The following BRPF3 variants were observed in gnomAD, a reference collection of about 807,000 sequenced individuals.
BRPF3 encodes the protein bromodomain and PHD finger containing 3, also known as bromodomain and PHD finger-containing protein 3.
In BRPF3, 18 loss-of-function variants were observed where a neutral mutation model predicts 102.0. That is an observed-to-expected ratio of 0.18 (90% CI 0.12 to 0.26). The LOEUF is 0.26. BRPF3 is among the 10% of genes least tolerant of loss of function. The pLI, the probability that BRPF3 is intolerant of heterozygous loss-of-function variation, is 1.00. For missense variants in BRPF3, 1,147 were observed against 1,567.8 expected (o/e 0.73, Z 4.53); for synonymous variants, 570 against 614.2 (o/e 0.93, Z 1.06).
chr6:36,229,617 C>G (rs1051146468), intron 12 of BRPF3, among the ~76,000 whole-genome samples: 2 of 152,132 alleles, frequency 1.3e-5, no homozygotes, highest in African/African-American at 4.8e-5. Context: ...GTGCAGTGTC[C>G]GCTACAGGAG....
chr6:36,224,785 G>T (rs1256054942), intron 10 of BRPF3, among the ~76,000 whole-genome samples: 1 of 152,118 alleles, frequency 6.6e-6, no homozygotes, highest in Non-Finnish European at 1.5e-5. Context: ...TTCAGAGGTC[G>T]GTAAACTATG....
At chr6:36,215,558 G>A (rs1768299403) in intron 8 of BRPF3, among the ~76,000 whole-genome samples, 1 of 152,214 alleles carries the variant, frequency 6.6e-6, no homozygotes, top group Non-Finnish European at 1.5e-5. Flanking sequence ...TCACAGTGGT[G>A]GACAGTATGT....
Position 36,210,631 on chromosome 6 carries a change from C to A in BRPF3, c.2179+103C>A. 9.2e-7 allele frequency: 1 copy of A among 1,085,388 alleles called. No individual in the cohort carries two copies. Among genetic ancestry groups the A allele is most frequent in the Non-Finnish European group, 1.3e-6 (1 of 767,448 alleles). The allele number at this position is 1,085,388 out of a possible 1,614,324, so 67.2% of individuals were successfully genotyped here. On this transcript the variant is annotated intron_variant, in intron 6 of 12. Coordinates refer to ENST00000357641, the MANE Select transcript of BRPF3 (RefSeq NM_015695.3). The surrounding 1 kb of genome is among the most constrained non-coding windows in gnomAD (Gnocchi z 4.7). ...GGTGGTCCTTGGGGCTATAGGTAGA[C>A]TCCAGGAGCAAAGCTGAGGGTGAGC...
chr6:36,198,400 C>A (rs1747006044), intron 1 of BRPF3, among the ~76,000 whole-genome samples: 1 of 152,128 alleles, frequency 6.6e-6, no homozygotes, highest in Non-Finnish European at 1.5e-5. Context: ...AAGATTAGAA[C>A]CTAGATTGCC....
In BRPF3 at chr6:36,211,438, C is replaced by T. The variant is rs1768106994; in HGVS notation, c.2360C>T (p.Pro787Leu). The change falls in exon 7 of 13, where the codon CCA (proline) becomes CTA (leucine). Residue 787 changes from proline to leucine, a missense_variant. Physicochemically the swap from Pro to Leu is moderately conservative, Grantham distance 98. Around this residue, in one of 11 missense-constraint regions of BRPF3, gnomAD observed 379 missense variants for 426.3 expected, o/e 0.89. Coordinates refer to ENST00000357641, the MANE Select transcript of BRPF3 (RefSeq NM_015695.3). ...CGGCAGAAGCTGGCACAGCCACCAC[C>T]ACCACAGCCACCATCACTCAACAAG... ...ALRQKLAQPPPPQPPSLNKTV... is the reference protein window; with the variant it reads ...ALRQKLAQPPLPQPPSLNKTV... 1.2e-6 allele frequency: 2 copies of T among 1,609,554 alleles called. No homozygotes were observed. Among genetic ancestry groups the T allele is most frequent in the Admixed American group, 1.7e-5 (1 of 59,444 alleles).
At chr6:36,207,754 C>T (rs567006992) in intron 4 of BRPF3, among the ~76,000 whole-genome samples, 16 of 152,320 alleles carry the variant, frequency 1.1e-4, no homozygotes, top group Admixed American at 4.6e-4. Context: ...TTTTGAAAAG[C>T]TTCTTAGACC....
At position 36,210,632 on chromosome 6, in the gene BRPF3, T is replaced by G; in HGVS notation, c.2179+104T>G. ...GTGGTCCTTGGGGCTATAGGTAGAC[T>G]CCAGGAGCAAAGCTGAGGGTGAGCA... is the stretch of plus-strand genomic sequence containing the variant. On this transcript the variant is annotated intron_variant, in intron 6 of 12. Coordinates refer to ENST00000357641, the MANE Select transcript of BRPF3 (RefSeq NM_015695.3). The surrounding 1 kb of genome is among the most constrained non-coding windows in gnomAD (Gnocchi z 4.7). The G allele has an allele frequency of 9.3e-7, 1 of 1,074,232 alleles. No individual in the cohort carries two copies. Among genetic ancestry groups the G allele is most frequent in the Non-Finnish European group, 1.3e-6 (1 of 757,644 alleles). The allele number at this position is 1,074,232 out of a possible 1,614,324, so 66.5% of individuals were successfully genotyped here.
At chr6:36,220,111 C>G (rs1768481786) in intron 9 of BRPF3, among the ~76,000 whole-genome samples, 1 of 152,128 alleles carries the variant, frequency 6.6e-6, no homozygotes, top group African/African-American at 2.4e-5. Context: ...TCTGCTTAGG[C>G]TGGGGTAACT....
At chr6:36,220,545 A>G (rs1768498114) in intron 9 of BRPF3, among the ~76,000 whole-genome samples, 1 of 152,182 alleles carries the variant, frequency 6.6e-6, no homozygotes, top group South Asian at 2.1e-4. Context: ...CTTCTGTTGT[A>G]TTTGAAGATG....
chr6:36,210,515 C>A lies in BRPF3; in HGVS notation c.2166C>A (p.Phe722Leu). 6.3e-7 allele frequency: 1 copy of A among 1,592,148 alleles called. No individual in the cohort carries two copies. Residue 722 changes from phenylalanine (F) to leucine (L), a missense_variant, in exon 6 of 13, where the codon TTC becomes TTA. By Grantham distance (22) the Phe-to-Leu change is conservative (BLOSUM62 0). Around this residue, in one of 11 missense-constraint regions of BRPF3, gnomAD observed 109 missense variants for 175.1 expected, o/e 0.62. Transcript: ENST00000357641. The surrounding 1 kb of genome is among the most constrained non-coding windows in gnomAD (Gnocchi z 4.7). ...ESPKLEDFYR[F>L]SWEDVDNILI... The stretch of plus-strand genomic sequence containing the variant: ...CCAAATTGGAAGACTTTTACCGCTT[C>A]TCCTGGGAAGACGGTGAGAGGCCTG...
rs1193307432 is a variant in BRPF3 at position 36,211,378 on chromosome 6, G to A, written c.2300G>A (p.Arg767His). 1.1e-5 allele frequency: 17 copies of A among 1,614,098 alleles called. No homozygotes were observed. The highest frequency in any genetic ancestry group is 1.3e-5 in the African/African-American group (1 of 74,944). The change falls in exon 7 of 13, where the codon CGT (arginine) becomes CAT (histidine). Residue 767 changes from arginine (R) to histidine (H), a missense_variant. Physicochemically the swap from Arg to His is conservative, Grantham distance 29. Coordinates refer to ENST00000357641, the MANE Select transcript of BRPF3 (RefSeq NM_015695.3). ...CGGTCCAGTGGGGCCCGCACCCGTCGTGTCCGCCTGCTACGCCGGGAGATC... is the reference window on the plus strand; with the variant it reads ...CGGTCCAGTGGGGCCCGCACCCGTCATGTCCGCCTGCTACGCCGGGAGATC... ...AMRSSGARTR[R>H]VRLLRREINA...
intron 3 of BRPF3, among the ~76,000 whole-genome samples, chr6:36,205,598 T>C (rs531033164): frequency 1.3e-5 from 2 of 152,330 alleles, no homozygotes. Flanking sequence ...TATTCTCACC[T>C]GATTGATCAT....
intron 8 of BRPF3, among the ~76,000 whole-genome samples, chr6:36,214,722 AAATC>A (rs551736596): frequency 9.1e-4 from 138 of 152,336 alleles, no homozygotes; most frequent in African/African-American, 2.9e-3. Flanking sequence ...TTGGGGGAAA[AAATC>A]AATGAGCAAA....
chr6:36,203,630 C>T (rs183281103), intron 2 of BRPF3, among the ~76,000 whole-genome samples: 11 of 152,176 alleles, frequency 7.2e-5, no homozygotes, highest in Non-Finnish European at 1.5e-4. Context: ...TGAGCAACGT[C>T]CTGCCCAACA....
chr6:36,214,047 G>A lies in BRPF3; in HGVS notation c.2650G>A (p.Glu884Lys), dbSNP rs1768231270. The A allele has an allele frequency of 3.7e-6, 6 of 1,614,088 alleles. No homozygotes were observed. The highest frequency in any genetic ancestry group is 1.7e-5 in the Admixed American group (1 of 60,022). ...PRKVEEDELL[E>K]KSPLQLGNEP... The stretch of plus-strand genomic sequence containing the variant: ...AAAGGTGGAAGAAGATGAGCTCTTG[G>A]AAAAATCACCACTGCAGCTAGGGAA... The change falls in exon 8 of 13, where the codon GAA becomes AAA. Residue 884 changes from glutamate (E) to lysine (K), a missense_variant. Glu to Lys is a moderately conservative substitution (Grantham distance 56). Around this residue, in one of 11 missense-constraint regions of BRPF3, gnomAD observed 379 missense variants for 426.3 expected, o/e 0.89. Coordinates refer to ENST00000357641, the MANE Select transcript of BRPF3 (RefSeq NM_015695.3).
At chr6:36,198,313 TTG>T (rs1767578130) in intron 1 of BRPF3, among the ~76,000 whole-genome samples, 1 of 152,170 alleles carries the variant, frequency 6.6e-6, no homozygotes, top group Non-Finnish European at 1.5e-5. Flanking sequence ...GAGAGCTAGA[TTG>T]TGTTACCCTC....
intron 9 of BRPF3, among the ~76,000 whole-genome samples, chr6:36,221,716 C>A (rs1460469021): frequency 6.6e-6 from 1 of 152,104 alleles, no homozygotes; most frequent in African/African-American, 2.4e-5. Flanking sequence ...TATGACATGT[C>A]CACTTTAGAA....
chr6:36,203,307 G>A (rs930507049), intron 2 of BRPF3, among the ~76,000 whole-genome samples: 1 of 152,334 alleles, frequency 6.6e-6, no homozygotes, highest in East Asian at 1.9e-4. Context: ...ACATAGAGTT[G>A]TTGTGAGAAA....
In BRPF3 at chr6:36,228,923, C is replaced by T. The variant is rs768111122; in HGVS notation, c.3301C>T (p.Arg1101Trp). 3 of 1,613,984 alleles carry T rather than the reference C, an allele frequency of 1.9e-6. No homozygotes were observed. The highest frequency in any genetic ancestry group is 2.5e-6 in the Non-Finnish European group (3 of 1,180,002). Residue 1101 changes from arginine to tryptophan, a missense_variant, in exon 12 of 13, where the codon CGG becomes TGG. Coordinates refer to ENST00000357641, the MANE Select transcript of BRPF3 (RefSeq NM_015695.3). The stretch of plus-strand genomic sequence containing the variant: ...CCAGATCATCGATCCCAAGATGCCC[C>T]GGGAGGGCCTCCTGCACAATGGCGT... The part of the protein sequence containing the change: ...PALIIDPKMP[R>W]EGLLHNGVPI...
Sources: gnomAD v4.1 joint callset for allele counts (sites outside exome capture counted in the v4.1 genomes callset) on GRCh38, gnomAD v4.1.1 for gene constraint, gnomAD v4.1.1 regional missense constraint, Gnocchi (gnomAD v3.1) non-coding constraint, MANE v1.5 for transcripts, NCBI Gene and HGNC (gene_info 2026-07-23, HGNC 2026-07-21) for gene names.